The following LMCD1 variants were observed in gnomAD, a reference collection of about 807,000 sequenced individuals.
LMCD1 encodes the protein LIM and cysteine-rich domains protein 1.
LMCD1 carries 32 observed loss-of-function variants against 42.7 expected under a neutral mutation model. The observed-to-expected ratio is 0.75, with a 90% confidence interval of 0.57 to 1.01. The LOEUF is 1.01. Ranked by LOEUF, LMCD1 falls within the 50% of genes least tolerant of loss-of-function variation. LMCD1 has a pLI of 0.00. For synonymous variants in LMCD1, 178 were observed against 184.9 expected (o/e 0.96, Z 0.30); for missense variants, 458 against 483.1 (o/e 0.95, Z 0.49).
At chr3:8,532,690 C>A in intron 1 of LMCD1, 47 bp from the exon 2 acceptor site, 1 of 1,557,568 alleles carries the variant, frequency 6.4e-7, no homozygotes, top group South Asian at 1.1e-5. Flanking sequence ...CATCTCCGGT[C>A]CAAGATGTTT....
intron 1 of LMCD1, chr3:8,514,811 A>G: frequency 5.3e-6 from 2 of 380,018 alleles, no homozygotes; most frequent in South Asian, 2.0e-5. Context: ...AAACTAATCA[A>G]CAGTGATAGA....
At chr3:8,555,367 G>C (rs1398343147) in intron 4 of LMCD1, among the ~76,000 whole-genome samples, 3 of 152,148 alleles carry the variant, frequency 2.0e-5, no homozygotes, top group African/African-American at 7.2e-5. Context: ...AGCCCCACTT[G>C]GGAATTTGAA....
At chr3:8,516,326 T>G (rs554635091) in intron 1 of LMCD1, among the ~76,000 whole-genome samples, 2 of 152,268 alleles carry the variant, frequency 1.3e-5, no homozygotes, top group South Asian at 4.1e-4. Context: ...TGGCTGAAAT[T>G]TAGTGCAAAC....
chr3:8,543,878 G>A (rs1302405193), intron 3 of LMCD1, among the ~76,000 whole-genome samples: 1 of 152,188 alleles, frequency 6.6e-6, no homozygotes, highest in Admixed American at 6.5e-5. Context: ...AAAGTTTGAG[G>A]TTCTTCAGAC....
At chr3:8,543,780 C>G (rs1694682273) in intron 3 of LMCD1, among the ~76,000 whole-genome samples, 1 of 152,192 alleles carries the variant, frequency 6.6e-6, no homozygotes, top group Non-Finnish European at 1.5e-5. Context: ...GTGCTCATTT[C>G]TAGGGCTCTC....
chr3:8,523,666 T>C (rs1177522764), intron 1 of LMCD1, among the ~76,000 whole-genome samples: 3 of 152,258 alleles, frequency 2.0e-5, no homozygotes, highest in Non-Finnish European at 4.4e-5. Context: ...GCGGTTCTGC[T>C]TTAAGATTGG....
intron 1 of LMCD1, among the ~76,000 whole-genome samples, chr3:8,517,155 A>T (rs76813630): frequency 0.015 from 2,310 of 152,336 alleles, 32 homozygotes; most frequent in Non-Finnish European, 0.024. Context: ...CCCTTGTATG[A>T]AAATCTGAAA....
At chr3:8,504,997 T>A (rs1693849115) in intron 1 of LMCD1, among the ~76,000 whole-genome samples, 1 of 152,168 alleles carries the variant, frequency 6.6e-6, no homozygotes, top group South Asian at 2.1e-4. Flanking sequence ...CTCACCTCAT[T>A]TGAAAGTTGA....
chr3:8,537,692 G>C (rs1217509086), intron 3 of LMCD1, among the ~76,000 whole-genome samples: 11 of 152,178 alleles, frequency 7.2e-5, no homozygotes, highest in Admixed American at 6.5e-5. Flanking sequence ...TGCAGCTCTA[G>C]TACAGGGGCA....
intron 1 of LMCD1, among the ~76,000 whole-genome samples, chr3:8,531,345 C>T (rs545438318): frequency 1.3e-5 from 2 of 152,320 alleles, no homozygotes; most frequent in East Asian, 3.9e-4. Context: ...TCCAAAGTCA[C>T]CTCCTCTAAG....
At chr3:8,541,576 C>G (rs1297303580) in intron 3 of LMCD1, among the ~76,000 whole-genome samples, 1 of 152,206 alleles carries the variant, frequency 6.6e-6, no homozygotes, top group African/African-American at 2.4e-5. Flanking sequence ...AAGAAAGGTC[C>G]TTAGGAAAAA....
intron 1 of LMCD1, among the ~76,000 whole-genome samples, chr3:8,505,631 G>T (rs1485588655): frequency 6.6e-6 from 1 of 152,270 alleles, no homozygotes; most frequent in Non-Finnish European, 1.5e-5. Flanking sequence ...GCTGGCTCCA[G>T]AGGGATCCAA....
At chr3:8,543,500 T>C (rs1303971600) in intron 3 of LMCD1, among the ~76,000 whole-genome samples, 2 of 151,864 alleles carry the variant, frequency 1.3e-5, no homozygotes, top group Non-Finnish European at 2.9e-5. Flanking sequence ...GACAGATAGA[T>C]AGATAGATTT....
chr3:8,515,513 T>C (rs1328080109), intron 1 of LMCD1, among the ~76,000 whole-genome samples: 2 of 152,182 alleles, frequency 1.3e-5, no homozygotes, highest in African/African-American at 4.8e-5. Context: ...CTTGCCTGCT[T>C]AACTCCTGTA....
At chr3:8,520,719 G>A (rs1490816311) in intron 1 of LMCD1, among the ~76,000 whole-genome samples, 2 of 152,186 alleles carry the variant, frequency 1.3e-5, no homozygotes, top group African/African-American at 4.8e-5. Flanking sequence ...TGGAGCCTCT[G>A]GAAGCATTTA....
At chr3:8,516,654 A>T (rs185308406) in intron 1 of LMCD1, among the ~76,000 whole-genome samples, 145 of 152,318 alleles carry the variant, frequency 9.5e-4, no homozygotes, top group African/African-American at 3.2e-3. Flanking sequence ...AGCCCTTGAC[A>T]CCATGTTGAC....
rs112755995 is a variant in LMCD1 at position 8,529,548 on chromosome 3, G to A, written c.43-3189G>A. ...AGATTTTAACGTCGATTCTCTTCAG[G>A]TGATTGGTAGCAGAGCACCGCGAGG... On this transcript the variant is annotated intron_variant, in intron 1 of 5. Coordinates refer to ENST00000157600, the MANE Select transcript of LMCD1 (RefSeq NM_014583.4). Among the ~76,000 whole-genome samples the A allele has an allele frequency of 7.3e-3, 1,106 of 152,240 alleles. 12 individuals are homozygous for A. Among genetic ancestry groups the A allele is most frequent in the South Asian group, 1.0e-2 (48 of 4,812 alleles).
rs559150426 is a variant in LMCD1, at chr3:8,573,741, G to A, written c.*6143G>A. 1.3e-5 allele frequency: 2 copies of A among 152,296 alleles called. No individual in the cohort carries two copies. Among genetic ancestry groups the A allele is most frequent in the African/African-American group, 4.8e-5 (2 of 41,558 alleles). The allele number at this position is 152,296 out of a possible 1,614,324, so 9.4% of individuals were successfully genotyped here. Reference sequence around the variant, plus strand: ...TGGAAACTGCAAGGATCAGCATAAAGTGTTCCTTTGTTCTGACGTTGGTAT... The same window carrying A: ...TGGAAACTGCAAGGATCAGCATAAAATGTTCCTTTGTTCTGACGTTGGTAT... On this transcript the variant is annotated 3_prime_UTR_variant, in exon 6 of 6. Transcript: ENST00000157600.
At chr3:8,511,887 C>A (rs1269179563) in intron 1 of LMCD1, among the ~76,000 whole-genome samples, 2 of 152,158 alleles carry the variant, frequency 1.3e-5, no homozygotes, top group Admixed American at 1.3e-4. Flanking sequence ...CTCCCAAGCC[C>A]TGCAATGGAG....
Sources: allele counts gnomAD v4.1 joint callset (sites outside exome capture counted in the v4.1 genomes callset), GRCh38; gene constraint gnomAD v4.1.1; transcripts MANE v1.5; gene names NCBI Gene and HGNC (gene_info 2026-07-23, HGNC 2026-07-21).